Variants in DPP4 observed in about 807,000 individuals in gnomAD.
DPP4 encodes dipeptidyl peptidase 4.
Under a neutral mutation model 122.4 loss-of-function variants are expected in DPP4, and 93 were observed. The observed-to-expected ratio is 0.76, with a 90% CI of 0.64 to 0.90. The LOEUF (loss-of-function observed/expected upper bound fraction) is 0.90. DPP4 is among the 40% of genes least tolerant of loss of function. The pLI, the probability that DPP4 is intolerant of heterozygous loss-of-function variation, is 0.00. For synonymous variants in DPP4, 321 were observed against 302.9 expected (o/e 1.06, Z -0.62); for missense variants, 914 against 907.3 (o/e 1.01, Z -0.09).
rs963723364 is a variant in DPP4, at chr2:162,038,232, G to T, written c.613+70C>A. 15 of 1,386,426 alleles carry T rather than the reference G, an allele frequency of 1.1e-5. No individual in the cohort carries two copies. The East Asian group carries it at 3.5e-4, about 33-fold the overall frequency. 85.9% of individuals were successfully genotyped at this position (1,386,426 alleles called of 1,614,324 possible). ...TCAATCTCATTTAAATTTTCCCATT[G>T]CAAAAGAAACATTTAACTATTTTAA... On this transcript the variant is annotated intron_variant, in intron 8 of 25. Coordinates refer to ENST00000360534, the MANE Select transcript of DPP4 (RefSeq NM_001935.4).
At chr2:162,004,191 G>A (rs1701222984) in intron 23 of DPP4, among the ~76,000 whole-genome samples, 1 of 152,154 alleles carries the variant, frequency 6.6e-6, no homozygotes, top group African/African-American at 2.4e-5. Context: ...TACACAAGAA[G>A]GAACCATGAA....
chr2:162,074,039 CG>C lies in DPP4; in HGVS notation c.-59del. On this transcript the variant is annotated 5_prime_UTR_variant, in exon 1 of 26. Coordinates refer to ENST00000360534, the MANE Select transcript of DPP4 (RefSeq NM_001935.4). ...GAAGGAGCGCAGGCAGAAGTCACCGCGGGCGGCGGAGACGCGCGTCCTGCAC... is the reference window on the plus strand; with the variant it reads ...GAAGGAGCGCAGGCAGAAGTCACCGCGGCGGCGGAGACGCGCGTCCTGCAC... 1 of 1,593,450 alleles carries C rather than the reference CG, an allele frequency of 6.3e-7. No individual in the cohort carries two copies. The highest frequency in any genetic ancestry group is 8.5e-7 in the Non-Finnish European group (1 of 1,170,882).
chr2:162,048,247 T>C (rs1471810893), intron 2 of DPP4, among the ~76,000 whole-genome samples: 1 of 152,198 alleles, frequency 6.6e-6, no homozygotes, highest in African/African-American at 2.4e-5. Context: ...ATTCAAAGTC[T>C]GAAAATCATT....
chr2:162,016,876 T>C lies in DPP4; in HGVS notation c.1469-10A>G, dbSNP rs146129788. On this transcript the variant is annotated splice_polypyrimidine_tract_variant and intron_variant, in intron 17 of 25. Coordinates refer to ENST00000360534, the MANE Select transcript of DPP4 (RefSeq NM_001935.4). ...TCCAGGACTCTCAGCCCTAAAGAAA[T>C]ACAGGAGACAGCAGTCATTCATTAC... The C allele has an allele frequency of 8.7e-6, 14 of 1,602,376 alleles. No homozygotes were observed. The highest frequency in any genetic ancestry group is 1.7e-4 in the Middle Eastern group (1 of 5,990).
At chr2:162,049,718 T>C (rs1233460916) in intron 2 of DPP4, among the ~76,000 whole-genome samples, 1 of 152,174 alleles carries the variant, frequency 6.6e-6, no homozygotes, top group Non-Finnish European at 1.5e-5. Context: ...TGATAAAGCT[T>C]TCTGCTTTCA....
intron 2 of DPP4, among the ~76,000 whole-genome samples, chr2:162,056,745 G>C (rs776163784): frequency 6.6e-6 from 1 of 152,178 alleles, no homozygotes. Flanking sequence ...AGGACTATAG[G>C]AGGGGCCTGA....
rs769609373 is a variant in DPP4 at position 162,008,603 on chromosome 2, C to T, written c.1946G>A (p.Cys649Tyr). The T allele has an allele frequency of 1.7e-5, 28 of 1,613,540 alleles. No homozygotes were observed. The highest frequency in any genetic ancestry group is 4.5e-5 in the East Asian group (2 of 44,886). ...VLGSGSGVFK[C>Y]GIAVAPVSRW... ...GGATACAGGCGCCACGGCTATTCCA[C>T]ACTTGAACACGCCACTTCCCGATCC... Residue 649 changes from cysteine (C) to tyrosine (Y), a missense_variant, in exon 22 of 26, where the codon TGT (cysteine) becomes TAT (tyrosine). Coordinates refer to ENST00000360534, the MANE Select transcript of DPP4 (RefSeq NM_001935.4).
At chr2:162,052,706 A>G (rs972948982) in intron 2 of DPP4, among the ~76,000 whole-genome samples, 2 of 152,202 alleles carry the variant, frequency 1.3e-5, no homozygotes, top group African/African-American at 2.4e-5. Flanking sequence ...GAAAAAGCCT[A>G]GATTACATCC....
At chr2:161,993,999 T>C (rs1700930661) in intron 25 of DPP4, among the ~76,000 whole-genome samples, 1 of 152,224 alleles carries the variant, frequency 6.6e-6, no homozygotes, top group African/African-American at 2.4e-5. Context: ...TTAAGAAATC[T>C]GTGTATTTGA....
chr2:162,009,121 G>T, intron 21 of DPP4, 120 bp downstream of exon 21: 2 of 1,013,738 alleles, frequency 2.0e-6, no homozygotes. Flanking sequence ...ACTGCCCAGA[G>T]ACCTAAGACT....
chr2:162,033,292 A>G (rs13020751), intron 10 of DPP4, among the ~76,000 whole-genome samples: 10,582 of 152,042 alleles, frequency 0.07, 548 homozygotes, highest in Middle Eastern at 0.18. Context: ...GTCTCCCCCA[A>G]TTTGAATGTA....
At chr2:162,025,794 C>T (rs1340897281) in intron 10 of DPP4, among the ~76,000 whole-genome samples, 1 of 152,160 alleles carries the variant, frequency 6.6e-6, no homozygotes, top group Non-Finnish European at 1.5e-5. Flanking sequence ...TGCAGCCTTG[C>T]TCTTTTTTGT....
chr2:162,062,241 C>T (rs915520269), intron 2 of DPP4, among the ~76,000 whole-genome samples: 24 of 152,094 alleles, frequency 1.6e-4, no homozygotes, highest in African/African-American at 5.6e-4. Context: ...GAGACTGCAT[C>T]GCTGCACTCC....
chr2:162,019,049 C>T (rs1433959074), intron 15 of DPP4, among the ~76,000 whole-genome samples, 174 bp downstream of exon 15: 1 of 151,370 alleles, frequency 6.6e-6, no homozygotes, highest in Non-Finnish European at 1.5e-5. Flanking sequence ...CACAAAACAT[C>T]GAATAAAGCC....
chr2:162,044,359 G>A (rs1005301051), intron 5 of DPP4, among the ~76,000 whole-genome samples: 5 of 152,074 alleles, frequency 3.3e-5, no homozygotes, highest in Admixed American at 2.6e-4. Context: ...GGTAAATGCA[G>A]TAGGGAATGG....
intron 9 of DPP4, among the ~76,000 whole-genome samples, chr2:162,033,931 G>A (rs1213851984): frequency 7.0e-6 from 1 of 142,044 alleles, no homozygotes; most frequent in East Asian, 2.2e-4. Flanking sequence ...AAGCACTTCT[G>A]TTTAAATAAT....
At chr2:162,055,385 T>C (rs1208788545) in intron 2 of DPP4, among the ~76,000 whole-genome samples, 1 of 152,196 alleles carries the variant, frequency 6.6e-6, no homozygotes, top group Non-Finnish European at 1.5e-5. Flanking sequence ...ATAGCAGATT[T>C]ACCTTGTCAA....
rs1683073615 is a variant in DPP4 at position 162,020,290 on chromosome 2, T to C, written c.1183A>G (p.Thr395Ala). The change falls in exon 14 of 26, where the codon ACA becomes GCA. Residue 395 changes from threonine to alanine, a missense_variant. Physicochemically the swap from Thr to Ala is moderately conservative, Grantham distance 58. Coordinates refer to ENST00000360534, the MANE Select transcript of DPP4 (RefSeq NM_001935.4). Reference sequence around the variant, plus strand: ...TCCCAGGTGCCTTTTGTAATAAATGTGCAGTCCTGATGGTTTTTTTTTTTT... The same window carrying C: ...TCCCAGGTGCCTTTTGTAATAAATGCGCAGTCCTGATGGTTTTTTTTTTTT... ...CYFQIDKKDC[T>A]FITKGTWEVI... 1.3e-6 allele frequency: 2 copies of C among 1,578,348 alleles called. No homozygotes were observed. Among genetic ancestry groups the C allele is most frequent in the Non-Finnish European group, 1.7e-6 (2 of 1,159,314 alleles).
At chr2:162,007,379 A>G (rs2106083790) in intron 22 of DPP4, among the ~76,000 whole-genome samples, 1 of 152,248 alleles carries the variant, frequency 6.6e-6, no homozygotes, top group East Asian at 1.9e-4. Context: ...ATGTATAAGA[A>G]GATCTGAAAT....
Sources: gnomAD v4.1 joint callset for allele counts (sites outside exome capture counted in the v4.1 genomes callset) on GRCh38, gnomAD v4.1.1 for gene constraint, MANE v1.5 for transcripts, NCBI Gene and HGNC (gene_info 2026-07-23, HGNC 2026-07-21) for gene names.